DNAAF9: variants seen among roughly 807,000 people sequenced by gnomAD.
DNAAF9 encodes shulin.
In DNAAF9, 90 loss-of-function variants were observed where a neutral mutation model predicts 167.0. The ratio of observed to expected loss-of-function variants is 0.54; its 90% CI spans 0.45 to 0.64. The LOEUF is 0.64. Among genes scored for constraint, DNAAF9 ranks in the 30% least tolerant of loss-of-function variants. The pLI is 0.00. For synonymous variants in DNAAF9, 491 were observed against 508.8 expected (o/e 0.96, Z 0.47); for missense variants, 1,315 against 1,442.2 (o/e 0.91, Z 1.43).
rs888790868 is a variant in DNAAF9, at chr20:3,407,529, C to A, written c.29G>T (p.Gly10Val). 94 of 1,260,910 alleles carry A rather than the reference C, an allele frequency of 7.5e-5. 1 individual carries two copies. The East Asian group carries it at 2.9e-3, about 39-fold the overall frequency. The allele number at this position is 1,260,910 out of a possible 1,614,324, so 78.1% of individuals were successfully genotyped here. Residue 10 changes from glycine (G) to valine (V), a missense_variant, in exon 1 of 37, where the codon GGG (glycine) becomes GTG (valine). By Grantham distance (109) the Gly-to-Val change is moderately radical. Coordinates refer to ENST00000252032, the MANE Select transcript of DNAAF9 (RefSeq NM_001009984.3). MDVYPPRRQGLPRARSPGGS... is the reference protein window; with the variant it reads MDVYPPRRQVLPRARSPGGS... ...GCCAGGGGACCGAGCGCGGGGCAGC[C>A]CCTGCCGGCGCGGGGGGTACACGTC...
At chr20:3,294,683 C>T (rs976007460) in intron 23 of DNAAF9, 54 bp from the exon 24 acceptor site, 3 of 1,127,934 alleles carry the variant, frequency 2.7e-6, no homozygotes, top group Non-Finnish European at 2.7e-6. Context: ...AGCATATACA[C>T]TTTACACAAC....
In DNAAF9 at chr20:3,304,447, T is replaced by C. The variant is rs751133882; in HGVS notation, c.1775A>G (p.Tyr592Cys). Residue 592 changes from tyrosine (Y) to cysteine (C), a missense_variant, in exon 21 of 37, where the codon TAT (tyrosine) becomes TGT (cysteine). Tyr to Cys is a radical substitution (Grantham distance 194, BLOSUM62 -2). This residue lies in a region of DNAAF9 where 981 missense variants were observed against 1,012.5 expected (regional missense o/e 0.97). Coordinates refer to ENST00000252032, the MANE Select transcript of DNAAF9 (RefSeq NM_001009984.3). ...SKDHMNSISFYDGDSTSTVAA... is the reference protein window; with the variant it reads ...SKDHMNSISFCDGDSTSTVAA... ...GACTAGTAAAACACCTACCCCATCA[T>C]AGAAGGAAATGGAATTCATGTGATC... The C allele has an allele frequency of 9.8e-6, 14 of 1,425,080 alleles. No individual in the cohort carries two copies. Among genetic ancestry groups the C allele is most frequent in the African/African-American group, 7.0e-5 (5 of 71,296 alleles). 88.3% of individuals were successfully genotyped at this position (1,425,080 alleles called of 1,614,324 possible).
chr20:3,399,048 G>A (rs1338989105), intron 1 of DNAAF9, among the ~76,000 whole-genome samples: 1 of 152,166 alleles, frequency 6.6e-6, no homozygotes, highest in Admixed American at 6.5e-5. Flanking sequence ...CCTGAAGAAT[G>A]TGCTGGCATC....
intron 2 of DNAAF9, 63 bp downstream of exon 2, chr20:3,382,364 T>C (rs1218892754): frequency 5.0e-6 from 6 of 1,199,760 alleles, no homozygotes; most frequent in Non-Finnish European, 7.5e-6. Flanking sequence ...ACTAATACCT[T>C]CCTGTGAACA....
chr20:3,368,938 C>A (rs1364180061), intron 6 of DNAAF9, among the ~76,000 whole-genome samples: 4 of 141,632 alleles, frequency 2.8e-5, no homozygotes, highest in African/African-American at 1.1e-4. Context: ...TTGGGACCAC[C>A]CTGGCCAACA....
At chr20:3,348,238 A>G (rs536608403) in intron 8 of DNAAF9, among the ~76,000 whole-genome samples, 11 of 152,266 alleles carry the variant, frequency 7.2e-5, no homozygotes, top group African/African-American at 2.6e-4. Context: ...TGCTACTCAC[A>G]TGTGGATAAT....
At chr20:3,381,569 T>C in intron 2 of DNAAF9, 71 bp from the exon 3 acceptor site, 3 of 1,510,508 alleles carry the variant, frequency 2.0e-6, no homozygotes, top group East Asian at 4.7e-5. Flanking sequence ...AATTTGCCCC[T>C]GCTTAGCAAA....
At chr20:3,347,817 G>A (rs185894597) in intron 8 of DNAAF9, among the ~76,000 whole-genome samples, 1 of 152,206 alleles carries the variant, frequency 6.6e-6, no homozygotes, top group Non-Finnish European at 1.5e-5. Context: ...AGCTACTTGG[G>A]AGGCTGAGGC....
At chr20:3,316,827 C>G (rs1432630277) in intron 17 of DNAAF9, 34 bp from the exon 18 acceptor site, 1 of 1,550,292 alleles carries the variant, frequency 6.5e-7, no homozygotes, top group Admixed American at 1.7e-5. Flanking sequence ...CAGTTAATTC[C>G]CTACCAGCTC....
Position 3,259,973 on chromosome 20 carries a change from C to A in DNAAF9, c.2929G>T (p.Val977Leu). Residue 977 changes from valine to leucine, a missense_variant, in exon 32 of 37, where the codon GTA (valine) becomes TTA (leucine). This residue lies in a region of DNAAF9 where 334 missense variants were observed against 429.7 expected (regional missense o/e 0.78). Transcript: ENST00000252032. ...SVYPLMVQIC[V>L]WFGRPLEKTR... ...TTCTCCAAGGGACGGCCAAACCATA[C>A]GCAGATCTGAACCATTAGGGGATAG... is the stretch of plus-strand genomic sequence containing the variant. The A allele has an allele frequency of 3.1e-6, 5 of 1,613,142 alleles. No individual in the cohort carries two copies. Among genetic ancestry groups the A allele is most frequent in the Non-Finnish European group, 4.2e-6 (5 of 1,179,050 alleles).
intron 10 of DNAAF9, among the ~76,000 whole-genome samples, chr20:3,332,934 T>TGG (rs1295064401): frequency 6.7e-6 from 1 of 150,212 alleles, no homozygotes; most frequent in African/African-American, 2.5e-5. Flanking sequence ...TGTGTGTGTG[T>TGG]GTGGTTTAAA....
At chr20:3,355,836 GT>G (rs1457309432) in intron 7 of DNAAF9, among the ~76,000 whole-genome samples, 2 of 150,688 alleles carry the variant, frequency 1.3e-5, no homozygotes, top group East Asian at 3.9e-4. Flanking sequence ...CTGGTCTGTA[GT>G]TTTCATTTTC....
chr20:3,299,377 A>G (rs562431372), intron 21 of DNAAF9, among the ~76,000 whole-genome samples: 3 of 150,772 alleles, frequency 2.0e-5, no homozygotes, highest in South Asian at 2.1e-4. Context: ...CAGTGGTGCC[A>G]TCTTGGCTGA....
chr20:3,319,276 A>C (rs1600775221), intron 16 of DNAAF9, among the ~76,000 whole-genome samples: 1 of 136,676 alleles, frequency 7.3e-6, no homozygotes, highest in African/African-American at 3.2e-5. Flanking sequence ...AAAAAAAAAA[A>C]AAAAAAAAAA....
intron 6 of DNAAF9, 52 bp downstream of exon 6, chr20:3,373,996 A>T: frequency 8.5e-7 from 1 of 1,175,170 alleles, no homozygotes; most frequent in Admixed American, 1.7e-5. Context: ...GGTTCTTCAT[A>T]AAAACAGCCC....
chr20:3,302,583 T>C (rs531245298), intron 21 of DNAAF9, among the ~76,000 whole-genome samples: 1 of 152,216 alleles, frequency 6.6e-6, no homozygotes, highest in Non-Finnish European at 1.5e-5. Flanking sequence ...GATATACCCA[T>C]ACAATGGAAT....
rs994603478 is a variant in DNAAF9 at position 3,326,045 on chromosome 20, A to C, written c.1188+152T>G. 1.8e-5 allele frequency: 11 copies of C among 611,262 alleles called. No homozygotes were observed. In the African/African-American group the frequency reaches 1.9e-4, roughly 10 times the overall value. The allele number at this position is 611,262 out of a possible 1,614,324, so 37.9% of individuals were successfully genotyped here. ...GCACAGTCACAGGCAGCAGAAGCTCAGTGCTCTCAGGGCTTCTCTCTGCCT... is the reference window on the plus strand; with the variant it reads ...GCACAGTCACAGGCAGCAGAAGCTCCGTGCTCTCAGGGCTTCTCTCTGCCT... On this transcript the variant is annotated intron_variant, in intron 13 of 36. Transcript: ENST00000252032.
chr20:3,318,220 A>G, intron 17 of DNAAF9, 69 bp downstream of exon 17: 1 of 650,714 alleles, frequency 1.5e-6, no homozygotes, highest in African/African-American at 2.8e-5. Flanking sequence ...GCCTTAGTTT[A>G]TAGTTTATTT....
intron 29 of DNAAF9, among the ~76,000 whole-genome samples, chr20:3,271,847 C>T (rs1245211411): frequency 6.6e-6 from 1 of 152,006 alleles, no homozygotes; most frequent in Non-Finnish European, 1.5e-5. Flanking sequence ...TCTCGAACTC[C>T]CGACCTCGTG....
Sources: allele counts gnomAD v4.1 joint callset (sites outside exome capture counted in the v4.1 genomes callset), GRCh38; gene constraint gnomAD v4.1.1; regional missense constraint gnomAD v4.1.1; transcripts MANE v1.5; gene names NCBI Gene and HGNC (gene_info 2026-07-23, HGNC 2026-07-21).